Variants in RASGRF1 observed in about 807,000 individuals in gnomAD.
RASGRF1 encodes the protein Ras protein specific guanine nucleotide releasing factor 1, also known as ras-specific guanine nucleotide-releasing factor 1.
RASGRF1 carries 40 observed loss-of-function variants against 138.7 expected under a neutral mutation model. The ratio of observed to expected loss-of-function variants is 0.29; its 90% confidence interval spans 0.22 to 0.38. The LOEUF (loss-of-function observed/expected upper bound fraction) is 0.38. Among genes scored for constraint, RASGRF1 ranks in the 10% least tolerant of loss-of-function variants. The pLI is 1.00. For synonymous variants in RASGRF1, 614 were observed against 663.2 expected, an observed-to-expected ratio of 0.93 and a Z score of 1.14; for missense variants, 1,108 against 1,650.4, an observed-to-expected ratio of 0.67 and a Z score of 5.69.
intron 8 of RASGRF1, among the ~76,000 whole-genome samples, chr15:79,031,063 C>T (rs1484246315): frequency 6.6e-6 from 1 of 152,202 alleles, no homozygotes. Context: ...CTCCTATGGC[C>T]ACAGGTTTTG....
intron 8 of RASGRF1, among the ~76,000 whole-genome samples, chr15:79,028,999 C>T (rs571535227): frequency 2.6e-5 from 4 of 152,322 alleles, no homozygotes; most frequent in African/African-American, 7.2e-5. Context: ...TTCAGGTACC[C>T]GTGCATGCTA....
chr15:79,002,945 T>C (rs759401775), intron 15 of RASGRF1, among the ~76,000 whole-genome samples: 5 of 152,380 alleles, frequency 3.3e-5, no homozygotes, highest in Non-Finnish European at 1.5e-5. Context: ...TGCGTGCGTG[T>C]GTGCACGTGC....
At chr15:79,049,880 G>A (rs4561430) in intron 3 of RASGRF1, among the ~76,000 whole-genome samples, 3,013 of 152,306 alleles carry the variant, frequency 0.02, 108 homozygotes, top group African/African-American at 0.069. Flanking sequence ...TGCTCTCGGG[G>A]CTGTAGCCAC....
chr15:78,981,812 C>T (rs1448367040), intron 23 of RASGRF1: 1 of 152,294 alleles, frequency 6.6e-6, no homozygotes, highest in Non-Finnish European at 1.5e-5. Flanking sequence ...ATAGCACACA[C>T]CACACGGAGT....
chr15:79,009,891 A>C (rs2141739927), intron 13 of RASGRF1, among the ~76,000 whole-genome samples: 1 of 151,216 alleles, frequency 6.6e-6, no homozygotes, highest in South Asian at 2.1e-4. Context: ...CACCCAGCTA[A>C]TTTTTTGTGT....
At chr15:79,030,398 GT>G (rs1301931816) in intron 8 of RASGRF1, among the ~76,000 whole-genome samples, 1 of 152,130 alleles carries the variant, frequency 6.6e-6, no homozygotes, top group Non-Finnish European at 1.5e-5. Context: ...TCAGCTTCTG[GT>G]TCTCATCTTT....
Position 79,025,300 on chromosome 15 carries a change from C to G in RASGRF1, c.1542+14G>C. 6.3e-7 allele frequency: 1 copy of G among 1,594,492 alleles called. No homozygotes were observed. Among genetic ancestry groups the G allele is most frequent in the Admixed American group, 1.7e-5 (1 of 58,962 alleles). ...AGCTGGGCAGCCCCCAAGCCCCTCT[C>G]CCGTAGCCCTTACCTTGGTCAAGTG... is the stretch of plus-strand genomic sequence containing the variant. On this transcript the variant is annotated intron_variant, in intron 10 of 26. Transcript: ENST00000558480.
At chr15:79,011,399 G>A (rs1229121677) in intron 13 of RASGRF1, among the ~76,000 whole-genome samples, 3 of 152,164 alleles carry the variant, frequency 2.0e-5, no homozygotes, top group African/African-American at 7.2e-5. Context: ...GCTGAACATA[G>A]GAAGGGACAG....
intron 26 of RASGRF1, among the ~76,000 whole-genome samples, chr15:78,969,684 A>G (rs933075321): frequency 6.6e-6 from 1 of 152,112 alleles, no homozygotes; most frequent in Admixed American, 6.6e-5. Context: ...AAAGAAAAGA[A>G]AAGAAAAGAA....
rs758625015 is a variant in RASGRF1 at position 79,046,931 on chromosome 15, C to T, written c.693G>A (p.Arg231=). 5.6e-6 allele frequency: 9 copies of T among 1,614,110 alleles called. No homozygotes were observed. The East Asian group carries it at 2.0e-4, about 36-fold the overall frequency. ...TGCGCATGCTGTCAGCATGGGGTGA[C>T]CGGATGTAGTCCTGGATGATGGTCT... ...KWKTIIQDYI[R]SPHADSMRKR... is the part of the protein sequence containing the mutation. The change falls in exon 5 of 27, where the codon CGG becomes CGA. Residue 231 remains arginine (R), a synonymous_variant. Coordinates refer to ENST00000558480, the MANE Select transcript of RASGRF1 (RefSeq NM_001145648.3). The surrounding 1 kb of genome is among the most constrained non-coding windows in gnomAD (Gnocchi z 5.3).
intron 1 of RASGRF1, among the ~76,000 whole-genome samples, chr15:79,083,343 C>T (rs1364742581): frequency 2.6e-5 from 4 of 152,214 alleles, no homozygotes; most frequent in African/African-American, 9.6e-5. Context: ...CTCAAGTCCA[C>T]GCGTCACTAG....
At chr15:79,037,161 G>T (rs1214241942) in intron 5 of RASGRF1, among the ~76,000 whole-genome samples, 2 of 152,104 alleles carry the variant, frequency 1.3e-5, no homozygotes, top group African/African-American at 4.8e-5. Flanking sequence ...CACATGTGAA[G>T]ACCCTTCAAA....
chr15:78,986,720 A>T (rs1169367152), intron 22 of RASGRF1, among the ~76,000 whole-genome samples: 2 of 152,314 alleles, frequency 1.3e-5, no homozygotes, highest in East Asian at 3.9e-4. Context: ...CGATAAAAGG[A>T]CATTTACAGA....
rs184207828 is a variant in RASGRF1, at chr15:78,987,543, A to T, written c.3217-2339T>A. Among the ~76,000 whole-genome samples the T allele has an allele frequency of 2.5e-3, 386 of 152,196 alleles. 3 individuals are homozygous for T. The highest frequency in any genetic ancestry group is 9.1e-3 in the African/African-American group (376 of 41,504). ...AAACCCTGTCTCTACTAAAAATACAAAAATTACCTGGGTGCAGTGGCATGC... is the reference window on the plus strand; with the variant it reads ...AAACCCTGTCTCTACTAAAAATACATAAATTACCTGGGTGCAGTGGCATGC... On this transcript the variant is annotated intron_variant, in intron 22 of 26. Transcript: ENST00000558480.
At chr15:79,023,968 CACAG>C (rs1431349696) in intron 10 of RASGRF1, among the ~76,000 whole-genome samples, 7 of 151,680 alleles carry the variant, frequency 4.6e-5, no homozygotes, top group African/African-American at 9.7e-5. Context: ...ATACCACACA[CACAG>C]ACACACAAAC....
Position 79,090,602 on chromosome 15 carries a change from C to A in RASGRF1, c.-104G>T. 1 of 1,504,748 alleles carries A rather than the reference C, an allele frequency of 6.6e-7. No individual in the cohort carries two copies. The allele number at this position is 1,504,748 out of a possible 1,614,324, so 93.2% of individuals were successfully genotyped here. A position where few individuals can be genotyped will look rare whatever the true frequency, so the allele number is the denominator to read the frequency against. On this transcript the variant is annotated 5_prime_UTR_variant, in exon 1 of 27. Coordinates refer to ENST00000558480, the MANE Select transcript of RASGRF1 (RefSeq NM_001145648.3). ...TGCCTCTCTCTGGCGCTCGCTCGCT[C>A]GCTCCCTCTAGCTCTCCCCTCCCCC...
At chr15:79,014,511 T>C (rs2056847497) in intron 13 of RASGRF1, among the ~76,000 whole-genome samples, 1 of 152,206 alleles carries the variant, frequency 6.6e-6, no homozygotes, top group Non-Finnish European at 1.5e-5. Flanking sequence ...ACATTGTATG[T>C]TCTCATTCAT....
rs941992295 is a variant in RASGRF1, at chr15:78,966,431, G to A, written c.3682-4195C>T. Among the ~76,000 whole-genome samples, 9 of 142,608 alleles carry A rather than the reference G, an allele frequency of 6.3e-5. No homozygotes were observed. The East Asian group carries it at 1.6e-3, about 25-fold the overall frequency. The allele number at this position is 142,608 out of a possible 152,430, so 93.6% of individuals were successfully genotyped here. ...TTTTTATTTTTTTGTAGAGTTGGGA[G>A]CCTTTACTCTGTTGCCTAGGCTGGT... On this transcript the variant is annotated intron_variant, in intron 26 of 26. Coordinates refer to ENST00000558480, the MANE Select transcript of RASGRF1 (RefSeq NM_001145648.3).
chr15:79,085,229 A>G (rs1483948780), intron 1 of RASGRF1, among the ~76,000 whole-genome samples: 1 of 152,210 alleles, frequency 6.6e-6, no homozygotes, highest in African/African-American at 2.4e-5. Context: ...TGTTCATTCT[A>G]AGGGCATGGT....
Sources: gnomAD v4.1 joint callset for allele counts (sites outside exome capture counted in the v4.1 genomes callset) on GRCh38, gnomAD v4.1.1 for gene constraint, Gnocchi (gnomAD v3.1) non-coding constraint, MANE v1.5 for transcripts, NCBI Gene and HGNC (gene_info 2026-07-23, HGNC 2026-07-21) for gene names.